Variants in GRIA4 observed in about 807,000 individuals in gnomAD.
The protein encoded by GRIA4 is glutamate receptor 4.
GRIA4 carries 34 observed loss-of-function variants against 104.0 expected under a neutral mutation model. That is an observed-to-expected ratio of 0.33 (90% CI 0.25 to 0.44). GRIA4 has a LOEUF of 0.44. Among genes scored for constraint, GRIA4 ranks in the 20% least tolerant of loss-of-function variants. GRIA4 has a pLI of 1.00. For missense variants in GRIA4, 750 were observed against 1,096.5 expected (o/e 0.68, Z 4.46); for synonymous variants, 386 against 381.9 (o/e 1.01, Z -0.13).
At chr11:105,751,947 G>A (rs537315259) in intron 3 of GRIA4, among the ~76,000 whole-genome samples, 1 of 152,178 alleles carries the variant, frequency 6.6e-6, no homozygotes, top group African/African-American at 2.4e-5. Context: ...AGCTACATAA[G>A]CCAAGAAGAA....
chr11:105,965,802 G>A, intron 14 of GRIA4: 2 of 660,032 alleles, frequency 3.0e-6, no homozygotes, highest in Non-Finnish European at 2.7e-6. Flanking sequence ...CTTTGGTTTG[G>A]ACTCCAGAGG....
intron 3 of GRIA4, among the ~76,000 whole-genome samples, chr11:105,661,111 G>A (rs1325156405): frequency 6.6e-6 from 1 of 151,572 alleles, no homozygotes; most frequent in Non-Finnish European, 1.5e-5. Context: ...ATTTTCTAGT[G>A]TGACATAATA....
intron 10 of GRIA4, chr11:105,913,354 C>A (rs930099335): frequency 5.2e-6 from 3 of 579,212 alleles, no homozygotes; most frequent in Non-Finnish European, 6.5e-6. Flanking sequence ...ATGTGATTTT[C>A]ATTTTAATAA....
intron 3 of GRIA4, among the ~76,000 whole-genome samples, chr11:105,677,976 G>C (rs993859569): frequency 6.6e-6 from 1 of 151,856 alleles, no homozygotes; most frequent in African/African-American, 2.4e-5. Flanking sequence ...GTTCCATGAG[G>C]GCAGAAACCA....
chr11:105,959,565 G>A (rs891283032), intron 14 of GRIA4, among the ~76,000 whole-genome samples: 8 of 152,026 alleles, frequency 5.3e-5, no homozygotes, highest in African/African-American at 7.2e-5. Context: ...TTAGCTCATC[G>A]TAGTTTTTAT....
rs927302051 is a variant in GRIA4, at chr11:105,611,067, C to T, written c.70C>T (p.Pro24Ser). 5 of 1,612,880 alleles carry T rather than the reference C, an allele frequency of 3.1e-6. No individual in the cohort carries two copies. The highest frequency in any genetic ancestry group is 2.7e-5 in the African/African-American group (2 of 74,824). Residue 24 changes from proline to serine, a missense_variant, in exon 2 of 17, where the codon CCG (proline) becomes TCG (serine). Physicochemically the swap from Pro to Ser is moderately conservative, Grantham distance 74. Transcript: ENST00000282499. ...GFWGLAMGAF[P>S]SSVQIGGLFI... is the part of the protein sequence containing the mutation. ...TTGGGGACTCGCCATGGGAGCCTTT[C>T]CGAGCAGCGTGCAAATAGGTAAGGT...
intron 3 of GRIA4, among the ~76,000 whole-genome samples, chr11:105,720,738 T>C (rs1285171480): frequency 6.6e-6 from 1 of 152,162 alleles, no homozygotes; most frequent in Non-Finnish European, 1.5e-5. Context: ...AGTGTGCAAA[T>C]GGGTTGAGTA....
At chr11:105,911,862 C>T in intron 10 of GRIA4, 1 of 1,507,138 alleles carries the variant, frequency 6.6e-7, no homozygotes, top group Non-Finnish European at 9.1e-7. Context: ...TCAGTACAGT[C>T]CTCCTCTTTT....
intron 4 of GRIA4, among the ~76,000 whole-genome samples, chr11:105,811,873 T>G (rs1292585928): frequency 6.6e-6 from 1 of 152,188 alleles, no homozygotes; most frequent in East Asian, 1.9e-4. Context: ...TGTTAAGTGC[T>G]TTCTCTGGGC....
chr11:105,750,461 T>C (rs948659195), intron 3 of GRIA4, among the ~76,000 whole-genome samples: 1 of 152,044 alleles, frequency 6.6e-6, no homozygotes, highest in Non-Finnish European at 1.5e-5. Context: ...AAAGTAAGTA[T>C]ATATGAATAG....
chr11:105,749,947 C>T (rs1939901236), intron 3 of GRIA4, among the ~76,000 whole-genome samples: 1 of 152,010 alleles, frequency 6.6e-6, no homozygotes, highest in Non-Finnish European at 1.5e-5. Context: ...GTTTATTTTG[C>T]CATTTTATGA....
chr11:105,713,489 G>A (rs1466517979), intron 3 of GRIA4, among the ~76,000 whole-genome samples: 2 of 152,078 alleles, frequency 1.3e-5, no homozygotes, highest in Non-Finnish European at 2.9e-5. Flanking sequence ...ATGGAATTAT[G>A]GGATCTTTTC....
intron 3 of GRIA4, among the ~76,000 whole-genome samples, chr11:105,696,476 T>C (rs1031580302): frequency 6.6e-6 from 1 of 152,230 alleles, no homozygotes; most frequent in Non-Finnish European, 1.5e-5. Context: ...TTATATATAG[T>C]CATTAAATCA....
At chr11:105,961,016 T>G (rs1948731929) in intron 14 of GRIA4, among the ~76,000 whole-genome samples, 1 of 152,120 alleles carries the variant, frequency 6.6e-6, no homozygotes, top group South Asian at 2.1e-4. Flanking sequence ...TATGTTTTTT[T>G]CCGATGGAAG....
At chr11:105,770,632 G>T (rs1941165373) in intron 4 of GRIA4, among the ~76,000 whole-genome samples, 1 of 151,904 alleles carries the variant, frequency 6.6e-6, no homozygotes, top group Non-Finnish European at 1.5e-5. Flanking sequence ...CAAAAAACGG[G>T]ATCACTTTGT....
At chr11:105,790,413 G>C (rs968554379) in intron 4 of GRIA4, among the ~76,000 whole-genome samples, 3 of 152,074 alleles carry the variant, frequency 2.0e-5, no homozygotes, top group Non-Finnish European at 4.4e-5. Flanking sequence ...TACATGTGTT[G>C]CCCACCCCTC....
chr11:105,625,622 G>T (rs1950867497), intron 3 of GRIA4, among the ~76,000 whole-genome samples: 1 of 152,066 alleles, frequency 6.6e-6, no homozygotes, highest in East Asian at 1.9e-4. Flanking sequence ...GATCAGTATA[G>T]AATTAAACTC....
intron 4 of GRIA4, among the ~76,000 whole-genome samples, chr11:105,796,146 C>G (rs1040611107): frequency 3.3e-5 from 5 of 152,254 alleles, no homozygotes; most frequent in Admixed American, 6.5e-5. Flanking sequence ...CTTTTCTGTA[C>G]TGTTCATTCC....
At chr11:105,640,233 C>G (rs1288757127) in intron 3 of GRIA4, among the ~76,000 whole-genome samples, 2 of 151,778 alleles carry the variant, frequency 1.3e-5, no homozygotes, top group Non-Finnish European at 3.0e-5. Context: ...AATTTCAAAG[C>G]CCAAAAATGC....
Sources: gnomAD v4.1 joint callset for allele counts (sites outside exome capture counted in the v4.1 genomes callset) on GRCh38, gnomAD v4.1.1 for gene constraint, MANE v1.5 for transcripts, NCBI Gene and HGNC (gene_info 2026-07-23, HGNC 2026-07-21) for gene names.